The following GBF1 variants were observed in gnomAD, a reference collection of about 807,000 sequenced individuals.
The protein encoded by GBF1 is golgi brefeldin A resistant guanine nucleotide exchange factor 1, also known as Golgi-specific brefeldin A-resistance guanine nucleotide exchange factor 1.
Under a neutral mutation model 210.5 loss-of-function variants are expected in GBF1, and 114 were observed. The ratio of observed to expected loss-of-function variants is 0.54; its 90% CI spans 0.47 to 0.63. GBF1 has a LOEUF of 0.63. Among genes scored for constraint, GBF1 ranks in the 30% least tolerant of loss-of-function variants. GBF1 has a pLI of 0.00. For synonymous variants in GBF1, 850 were observed against 889.2 expected, an observed-to-expected ratio of 0.96 and a Z score of 0.78; for missense variants, 1,851 against 2,357.7, an observed-to-expected ratio of 0.79 and a Z score of 4.45.
chr10:102,360,844 G>A (rs774282882), intron 12 of GBF1, among the ~76,000 whole-genome samples, 178 bp from the exon 13 acceptor site: 5 of 152,014 alleles, frequency 3.3e-5, no homozygotes, highest in Admixed American at 1.3e-4. Context: ...GCATGGTGAC[G>A]TGCGCCTGTA....
At position 102,367,462 on chromosome 10, in the gene GBF1, A is replaced by C. The variant is rs2059976855; in HGVS notation, c.2560-16A>C. 3.2e-6 allele frequency: 5 copies of C among 1,558,564 alleles called. No individual in the cohort carries two copies. Among genetic ancestry groups the C allele is most frequent in the African/African-American group, 1.4e-5 (1 of 73,820 alleles). On this transcript the variant is annotated splice_polypyrimidine_tract_variant and intron_variant, in intron 20 of 39. Transcript: ENST00000369983. ...GTGTTGACACAAGGGGAAAAAACTT[A>C]CTGGCCTGTCTCTAGGAGTTTCGCA...
chr10:102,327,990 T>C (rs1161144503), intron 3 of GBF1, among the ~76,000 whole-genome samples: 1 of 152,228 alleles, frequency 6.6e-6, no homozygotes, highest in Non-Finnish European at 1.5e-5. Flanking sequence ...GGTGTGACTT[T>C]TCAGGGTACT....
intron 3 of GBF1, among the ~76,000 whole-genome samples, chr10:102,288,822 C>T (rs941456095): frequency 2.0e-5 from 3 of 151,462 alleles, no homozygotes; most frequent in African/African-American, 7.3e-5. Context: ...AGGAGTTGGC[C>T]GCATGTGGTG....
Position 102,381,245 on chromosome 10 carries a change from G to A in GBF1, c.5292G>A (p.Leu1764=), listed in dbSNP as rs1408316522. ...HPPPPEIPSE[L]GACDFEKPES... is the part of the protein sequence containing the mutation. ...CGCCCCCAGAGATTCCATCTGAGCT[G>A]GGGGCCTGTGGTGAGTCTCTCTAGC... Residue 1764 remains leucine, a synonymous_variant, in exon 39 of 40, where the codon CTG becomes CTA. Transcript: ENST00000369983. 1.2e-6 allele frequency: 2 copies of A among 1,613,536 alleles called. No individual in the cohort carries two copies. Among genetic ancestry groups the A allele is most frequent in the Admixed American group, 1.7e-5 (1 of 60,008 alleles).
In GBF1 at chr10:102,360,407, T is replaced by C; in HGVS notation, c.1392+12T>C. 3 of 1,563,244 alleles carry C rather than the reference T, an allele frequency of 1.9e-6. No homozygotes were observed. Among genetic ancestry groups the C allele is most frequent in the Non-Finnish European group, 2.6e-6 (3 of 1,134,198 alleles). ...GTCACTTATTCCAGGTAAGACAAGA[T>C]TGCTAGAGGGTCTCAGAGCCTCTTT... On this transcript the variant is annotated intron_variant, in intron 12 of 39. Coordinates refer to ENST00000369983, the MANE Select transcript of GBF1 (RefSeq NM_001377137.1).
At position 102,379,518 on chromosome 10, in the gene GBF1, C is replaced by T; in HGVS notation, c.4646-3C>T. 1 of 1,614,122 alleles carries T rather than the reference C, an allele frequency of 6.2e-7. No individual in the cohort carries two copies. Among genetic ancestry groups the T allele is most frequent in the South Asian group, 1.1e-5 (1 of 91,066 alleles). ...AGGATCCTGACCCTGCTCTTGCTCTCAGGTATTGCCTGCCTGTGCTGCGAT... is the reference window on the plus strand; with the variant it reads ...AGGATCCTGACCCTGCTCTTGCTCTTAGGTATTGCCTGCCTGTGCTGCGAT... On this transcript the variant is annotated splice_region_variant and splice_polypyrimidine_tract_variant and intron_variant, in intron 34 of 39. Transcript: ENST00000369983.
At chr10:102,337,856 C>T (rs374408552) in intron 3 of GBF1, among the ~76,000 whole-genome samples, 1 of 151,820 alleles carries the variant, frequency 6.6e-6, no homozygotes, top group Non-Finnish European at 1.5e-5. Context: ...GACTCTGTCT[C>T]AAAAAGAAAG....
Position 102,358,075 on chromosome 10 carries a change from A to G in GBF1, c.676A>G (p.Lys226Glu), listed in dbSNP as rs2059393715. The G allele has an allele frequency of 1.2e-6, 2 of 1,609,984 alleles. No homozygotes were observed. Among genetic ancestry groups the G allele is most frequent in the African/African-American group, 2.7e-5 (2 of 74,856 alleles). Residue 226 changes from lysine (K) to glutamate (E), a missense_variant, in exon 9 of 40, where the codon AAA becomes GAA. Physicochemically the swap from Lys to Glu is moderately conservative, Grantham distance 56. Coordinates refer to ENST00000369983, the MANE Select transcript of GBF1 (RefSeq NM_001377137.1). ...AGCCGGAGGCATGAGTGATTCATCC[A>G]AATGGAAGAAACAGAAGAGATCCCC... Reference protein sequence around the residue: ...MRAGGMSDSSKWKKQKRSPRP... With the variant: ...MRAGGMSDSSEWKKQKRSPRP...
chr10:102,347,009 C>G (rs907767760), intron 4 of GBF1, among the ~76,000 whole-genome samples: 13 of 152,154 alleles, frequency 8.5e-5, no homozygotes, highest in Non-Finnish European at 1.8e-4. Context: ...TAGTTTATCT[C>G]TAAATTTCTT....
At chr10:102,267,445 A>C (rs1463808628) in intron 3 of GBF1, among the ~76,000 whole-genome samples, 1 of 152,208 alleles carries the variant, frequency 6.6e-6, no homozygotes, top group African/African-American at 2.4e-5. Context: ...GTGAGATTGC[A>C]GTGAGCTGAG....
rs879300527 is a variant in GBF1 at position 102,362,364 on chromosome 10, G to A, written c.1687-111G>A. ...AGCCACCACGCCCGGCCAGAAAGAC[G>A]TTTTCTAAGGGCAATGTACAAGTTA... On this transcript the variant is annotated intron_variant, in intron 14 of 39. Coordinates refer to ENST00000369983, the MANE Select transcript of GBF1 (RefSeq NM_001377137.1). 63 of 799,764 alleles carry A rather than the reference G, an allele frequency of 7.9e-5. No homozygotes were observed. The Middle Eastern group carries it at 1.2e-3, about 15-fold the overall frequency. 49.5% of individuals were successfully genotyped at this position (799,764 alleles called of 1,614,324 possible).
In GBF1 at chr10:102,261,595, C is replaced by T. The variant is rs946111077; in HGVS notation, c.163+1479C>T. Among the ~76,000 whole-genome samples the T allele has an allele frequency of 7.4e-5, 11 of 149,606 alleles. 1 individual carries two copies. The highest frequency in any genetic ancestry group is 2.7e-4 in the African/African-American group (11 of 40,714). On this transcript the variant is annotated intron_variant, in intron 3 of 39. Coordinates refer to ENST00000369983, the MANE Select transcript of GBF1 (RefSeq NM_001377137.1). ...GCTAAAGTTATCTAAGAGTTCCCTA[C>T]ATATTTTCTTTCTTTCTTTCTTTTT...
the GBF1 span, among the ~76,000 whole-genome samples, chr10:102,236,504 G>A: frequency 5.9e-5 from 9 of 152,176 alleles, no homozygotes; most frequent in African/African-American, 2.2e-4. Context: ...AGTACAGAGG[G>A]CCTACAGGTA....
intron 3 of GBF1, among the ~76,000 whole-genome samples, chr10:102,264,484 C>T (rs1175905497): frequency 6.6e-6 from 1 of 152,112 alleles, no homozygotes; most frequent in Non-Finnish European, 1.5e-5. Flanking sequence ...CCAAAGAATC[C>T]GTTTTAATCT....
In GBF1 at chr10:102,370,486, G is replaced by A. The variant is rs1565175298; in HGVS notation, c.3506+8G>A. The A allele has an allele frequency of 6.3e-7, 1 of 1,599,914 alleles. No individual in the cohort carries two copies. Among genetic ancestry groups the A allele is most frequent in the Non-Finnish European group, 8.6e-7 (1 of 1,166,964 alleles). ...GATTGTGTTGGAGAACAGGTAAGAT[G>A]AGCGTAGTCTTTAGGCAGACCCCAT... On this transcript the variant is annotated splice_region_variant and intron_variant, in intron 28 of 39. Transcript: ENST00000369983.
At chr10:102,303,374 A>G (rs185004194) in intron 3 of GBF1, among the ~76,000 whole-genome samples, 210 of 152,310 alleles carry the variant, frequency 1.4e-3, no homozygotes, top group Non-Finnish European at 2.2e-3. Flanking sequence ...TTTGTTGAAA[A>G]GGCTATTCCC....
chr10:102,235,164 C>T, the GBF1 span, among the ~76,000 whole-genome samples: 2 of 79,920 alleles, frequency 2.5e-5, no homozygotes, highest in African/African-American at 1.3e-4. Context: ...CATTATTACC[C>T]TTCCCCCACC....
At chr10:102,293,105 G>T (rs1022077374) in intron 3 of GBF1, among the ~76,000 whole-genome samples, 4 of 152,086 alleles carry the variant, frequency 2.6e-5, no homozygotes, top group African/African-American at 9.7e-5. Flanking sequence ...ATATACTGCA[G>T]TGTCTCTATA....
intron 3 of GBF1, among the ~76,000 whole-genome samples, chr10:102,289,123 C>G (rs1038493639): frequency 9.3e-5 from 14 of 150,038 alleles, no homozygotes; most frequent in Admixed American, 9.3e-4. Flanking sequence ...AAAAAAAAAG[C>G]CTTAGGAGTT....
Sources: allele counts gnomAD v4.1 joint callset (sites outside exome capture counted in the v4.1 genomes callset), GRCh38; gene constraint gnomAD v4.1.1; transcripts MANE v1.5; gene names NCBI Gene and HGNC (gene_info 2026-07-23, HGNC 2026-07-21).